NSUN4: variants seen among roughly 807,000 people sequenced by gnomAD.
NSUN4 encodes 5-cytosine rRNA methyltransferase NSUN4.
NSUN4 carries 31 observed loss-of-function variants against 43.8 expected under a neutral mutation model. That is an observed-to-expected ratio of 0.71 (90% CI 0.53 to 0.96). The LOEUF (loss-of-function observed/expected upper bound fraction) is 0.96. Ranked by LOEUF, NSUN4 falls within the 40% of genes least tolerant of loss-of-function variation. The probability of loss-of-function intolerance (pLI) is 0.00; values close to 1 mark genes in which losing one functional copy is unlikely to be tolerated. For synonymous variants in NSUN4, 167 were observed against 184.1 expected, an observed-to-expected ratio of 0.91 and a Z score of 0.75; for missense variants, 439 against 475.6, an observed-to-expected ratio of 0.92 and a Z score of 0.72.
At chr1:46,341,744 T>G (rs68083747) in intron 1 of NSUN4, 335,190 of 1,231,314 alleles carry the variant, frequency 0.27, 48,220 homozygotes, top group Non-Finnish European at 0.3. Flanking sequence ...GCCACTCGGG[T>G]TCCCCACTCT....
At chr1:46,358,047 TGG>T (rs1409032309) in intron 4 of NSUN4, among the ~76,000 whole-genome samples, 34 of 152,186 alleles carry the variant, frequency 2.2e-4, no homozygotes, top group Admixed American at 2.2e-3. Flanking sequence ...CCCAAATAGC[TGG>T]GATTACAGGC....
intron 4 of NSUN4, among the ~76,000 whole-genome samples, chr1:46,359,522 A>G (rs1414558464): frequency 6.8e-6 from 1 of 147,652 alleles, no homozygotes; most frequent in Non-Finnish European, 1.5e-5. Context: ...AGCTGGGACT[A>G]CAAGAGCGCT....
chr1:46,349,703 A>T (rs74475367), intron 3 of NSUN4, among the ~76,000 whole-genome samples: 4,343 of 152,286 alleles, frequency 0.029, 94 homozygotes, highest in Non-Finnish European at 0.041. Flanking sequence ...GAGATATCAC[A>T]TTCGGTCATA....
the NSUN4 span, among the ~76,000 whole-genome samples, chr1:46,375,218 C>T: frequency 6.6e-6 from 1 of 151,642 alleles, no homozygotes; most frequent in Non-Finnish European, 1.5e-5. Context: ...GGTGGATCAC[C>T]TGAGGTTGGG....
Position 46,352,936 on chromosome 1 carries a change from G to T in NSUN4, c.661G>T (p.Val221Leu). The part of the protein sequence containing the change: ...ARLQKILHSY[V>L]PEEIRDGNQV... ...ACTACAGAAGATCCTTCACAGCTAT[G>T]TGCCTGAAGAGATCAGGGATGGAAA... Residue 221 changes from valine to leucine, a missense_variant, in exon 4 of 6, where the codon GTG becomes TTG. By Grantham distance (32) the Val-to-Leu change is conservative. Transcript: ENST00000474844. The T allele has an allele frequency of 1.9e-6, 3 of 1,613,968 alleles. No individual in the cohort carries two copies. Among genetic ancestry groups the T allele is most frequent in the Non-Finnish European group, 1.7e-6 (2 of 1,179,804 alleles).
chr1:46,356,209 C>A (rs1663356263), intron 4 of NSUN4, among the ~76,000 whole-genome samples: 1 of 152,026 alleles, frequency 6.6e-6, no homozygotes, highest in African/African-American at 2.4e-5. Context: ...GTAGTTGAGA[C>A]TACAGGCATG....
At chr1:46,368,318 C>T (rs999786883), downstream of NSUN4, among the ~76,000 whole-genome samples, 1 of 152,148 alleles carries the variant, frequency 6.6e-6, no homozygotes, top group East Asian at 1.9e-4. Context: ...CTGCTTCTGT[C>T]ATTAAGAGAT....
intron 4 of NSUN4, among the ~76,000 whole-genome samples, chr1:46,360,122 G>A (rs1180868292): frequency 5.4e-5 from 8 of 148,440 alleles, no homozygotes; most frequent in South Asian, 2.2e-4. Context: ...CCAGCTACTC[G>A]GGAGGCTGAG....
At chr1:46,365,698 G>A (rs922322338), downstream of NSUN4, among the ~76,000 whole-genome samples, 10 of 152,138 alleles carry the variant, frequency 6.6e-5, no homozygotes, top group Admixed American at 3.3e-4. Flanking sequence ...TATGGTAAAT[G>A]TATGTTTAAC....
the NSUN4 span, among the ~76,000 whole-genome samples, chr1:46,385,178 T>G: frequency 4.6e-5 from 7 of 152,370 alleles, no homozygotes; most frequent in Middle Eastern, 3.4e-3. Flanking sequence ...AAATTGAATT[T>G]TAATAAAATC....
chr1:46,340,988 GGCCCTCTAGAAC>G, intron 1 of NSUN4, 69 bp downstream of exon 1: 2 of 1,417,146 alleles, frequency 1.4e-6, no homozygotes, highest in East Asian at 4.9e-5. Flanking sequence ...TCCGTTTCCC[GGCCCTCTAGAAC>G]GCCTAGCGTC....
downstream of NSUN4, among the ~76,000 whole-genome samples, chr1:46,368,648 T>TTTA (rs1292068106): frequency 3.9e-5 from 6 of 152,216 alleles, no homozygotes; most frequent in African/African-American, 1.4e-4. Flanking sequence ...AGTGGTTGTT[T>TTTA]TAAGCCAGTA....
At chr1:46,360,530 A>G (rs1663792415) in intron 4 of NSUN4, among the ~76,000 whole-genome samples, 174 bp from the exon 5 acceptor site, 1 of 151,934 alleles carries the variant, frequency 6.6e-6, no homozygotes, top group Admixed American at 6.6e-5. Flanking sequence ...TCCACTCATT[A>G]TTTCACAATT....
chr1:46,353,374 A>G (rs1663141918), intron 4 of NSUN4, among the ~76,000 whole-genome samples: 1 of 152,210 alleles, frequency 6.6e-6, no homozygotes, highest in South Asian at 2.1e-4. Flanking sequence ...TTAGTACAGC[A>G]CATGGTACAA....
Position 46,361,588 on chromosome 1 carries a change from C to A in NSUN4, c.897C>A (p.Thr299=), listed in dbSNP as rs1213261444. ...GTTTCAGGGCTGGACTCCTTGCCACCAAACCAGGAGGCCATGTTGTCTATT... is the reference window on the plus strand; with the variant it reads ...GTTTCAGGGCTGGACTCCTTGCCACAAAACCAGGAGGCCATGTTGTCTATT... The part of the protein sequence containing the change: ...VQLLAAGLLA[T]KPGGHVVYST... The change falls in exon 6 of 6, where the codon ACC becomes ACA. Residue 299 remains threonine (T), a synonymous_variant. Coordinates refer to ENST00000474844, the MANE Select transcript of NSUN4 (RefSeq NM_199044.4). 1.2e-6 allele frequency: 2 copies of A among 1,613,954 alleles called. No homozygotes were observed. Among genetic ancestry groups the A allele is most frequent in the East Asian group, 4.5e-5 (2 of 44,882 alleles).
the NSUN4 span, chr1:46,370,508 T>C: frequency 6.6e-6 from 1 of 151,860 alleles, no homozygotes. Flanking sequence ...GCCACGTGAC[T>C]TGCTTTAGCC....
intron 4 of NSUN4, among the ~76,000 whole-genome samples, chr1:46,355,493 A>G (rs1207409690): frequency 6.6e-6 from 1 of 152,234 alleles, no homozygotes; most frequent in Non-Finnish European, 1.5e-5. Flanking sequence ...GGATAATAGT[A>G]TAGTGCCTAT....
At chr1:46,367,602 A>G (rs375812158), downstream of NSUN4, among the ~76,000 whole-genome samples, 1 of 152,144 alleles carries the variant, frequency 6.6e-6, no homozygotes, top group East Asian at 1.9e-4. Flanking sequence ...GTGGTGTTAG[A>G]CAGCAATCTT....
At chr1:46,385,023 C>A in the NSUN4 span, among the ~76,000 whole-genome samples, 1 of 152,172 alleles carries the variant, frequency 6.6e-6, no homozygotes, top group Non-Finnish European at 1.5e-5. Context: ...TGCCTTCTTG[C>A]TGAGAAATTT....
Sources: allele counts gnomAD v4.1 joint callset (sites outside exome capture counted in the v4.1 genomes callset), GRCh38; gene constraint gnomAD v4.1.1; transcripts MANE v1.5; gene names NCBI Gene and HGNC (gene_info 2026-07-23, HGNC 2026-07-21).